F13B: variants seen among roughly 807,000 people sequenced by gnomAD.
F13B encodes the protein TGase.
Under a neutral mutation model 79.8 loss-of-function variants are expected in F13B, and 58 were observed. The observed-to-expected ratio is 0.73, with a 90% CI of 0.59 to 0.90. F13B has a LOEUF of 0.90. F13B is among the 40% of genes least tolerant of loss of function. The pLI is 0.00. For synonymous variants in F13B, 283 were observed against 260.3 expected, an observed-to-expected ratio of 1.09 and a Z score of -0.84; for missense variants, 773 against 777.0, an observed-to-expected ratio of 0.99 and a Z score of 0.06.
chr1:197,058,931 G>T (rs952197841), intron 5 of F13B, among the ~76,000 whole-genome samples: 1 of 152,088 alleles, frequency 6.6e-6, no homozygotes. Flanking sequence ...GGTATAAAAG[G>T]CCTTAAGTAG....
chr1:197,066,803 C>T (rs890110539), intron 1 of F13B, among the ~76,000 whole-genome samples: 2 of 152,040 alleles, frequency 1.3e-5, no homozygotes, highest in Middle Eastern at 3.2e-3. Flanking sequence ...CAAGTTTTGT[C>T]AGTATTAGGA....
intron 10 of F13B, among the ~76,000 whole-genome samples, chr1:197,043,028 T>C (rs1388246062): frequency 1.3e-5 from 2 of 151,744 alleles, no homozygotes; most frequent in African/African-American, 2.4e-5. Context: ...TTTAGAAGGA[T>C]AGGAAGTGTA....
intron 10 of F13B, among the ~76,000 whole-genome samples, chr1:197,042,445 C>G (rs911911920): frequency 7.2e-5 from 11 of 152,118 alleles, no homozygotes; most frequent in South Asian, 6.2e-4. Flanking sequence ...AAACAGGAAG[C>G]ATTTCGAGGT....
intron 10 of F13B, among the ~76,000 whole-genome samples, chr1:197,048,370 A>G (rs1655316481): frequency 3.9e-5 from 6 of 151,970 alleles, no homozygotes. Context: ...AAAATAAGGT[A>G]TATATTGCTT....
intron 8 of F13B, among the ~76,000 whole-genome samples, chr1:197,053,380 G>T (rs1023443310): frequency 2.0e-5 from 3 of 152,082 alleles, no homozygotes; most frequent in African/African-American, 7.2e-5. Flanking sequence ...GAATCCTGGG[G>T]TGGGTCTTTC....
At chr1:197,047,667 T>C (rs1655283208) in intron 10 of F13B, among the ~76,000 whole-genome samples, 2 of 152,230 alleles carry the variant, frequency 1.3e-5, no homozygotes, top group African/African-American at 4.8e-5. Flanking sequence ...TTATAAGTCA[T>C]TCTGCTATAA....
intron 10 of F13B, among the ~76,000 whole-genome samples, chr1:197,044,278 C>G (rs1301259062): frequency 6.6e-6 from 1 of 151,932 alleles, no homozygotes; most frequent in Non-Finnish European, 1.5e-5. Context: ...ACTGCTAGCT[C>G]AGCAGTCTGA....
chr1:197,055,853 C>T lies in F13B; in HGVS notation c.1216G>A (p.Ala406Thr), dbSNP rs1655622795. The change falls in exon 8 of 12, where the codon GCT becomes ACT. Residue 406 changes from alanine (A) to threonine (T), a missense_variant. Ala to Thr is a moderately conservative substitution (Grantham distance 58). Coordinates refer to ENST00000367412, the MANE Select transcript of F13B (RefSeq NM_001994.3). ...CKHPPVVMNG[A>T]VADGILASYA... ...CTTGCCAATATCCCGTCTGCAACAGCCCCATTCATTACAACAGGAGGATGC... is the reference window on the plus strand; with the variant it reads ...CTTGCCAATATCCCGTCTGCAACAGTCCCATTCATTACAACAGGAGGATGC... The T allele has an allele frequency of 1.2e-6, 2 of 1,613,458 alleles. No individual in the cohort carries two copies. Among genetic ancestry groups the T allele is most frequent in the Admixed American group, 1.7e-5 (1 of 59,840 alleles).
Position 197,039,290 on chromosome 1 carries a change from G to T in F13B, c.*88C>A. 8.6e-7 allele frequency: 1 copy of T among 1,156,998 alleles called. No individual in the cohort carries two copies. The highest frequency in any genetic ancestry group is 1.3e-5 in the South Asian group (1 of 74,316). 71.7% of individuals were successfully genotyped at this position (1,156,998 alleles called of 1,614,324 possible). A position where few individuals can be genotyped will look rare whatever the true frequency, so the allele number is the denominator to read the frequency against. On this transcript the variant is annotated 3_prime_UTR_variant, in exon 12 of 12. Transcript: ENST00000367412. ...AAATATTTAAGCAAGGAAAAACTCCGAAGTTTTTAACTTATTTCCTCAAAA... is the reference window on the plus strand; with the variant it reads ...AAATATTTAAGCAAGGAAAAACTCCTAAGTTTTTAACTTATTTCCTCAAAA...
chr1:197,050,842 T>C lies in F13B; in HGVS notation c.1593A>G (p.Lys531=). 6.2e-7 allele frequency: 1 copy of C among 1,613,252 alleles called. No homozygotes were observed. The highest frequency in any genetic ancestry group is 8.5e-7 in the Non-Finnish European group (1 of 1,179,532). ...KGMCTSPPLI[K]HGVIISSTVD... is the part of the protein sequence containing the mutation. The stretch of plus-strand genomic sequence containing the variant: ...CTGTTGAACTAATAATGACTCCATG[T>C]TTAATAAGAGGAGGAGATGTGCACA... The change falls in exon 10 of 12, where the codon AAA becomes AAG. Residue 531 remains lysine (K), a synonymous_variant. Transcript: ENST00000367412.
intron 8 of F13B, 116 bp from the exon 9 acceptor site, chr1:197,052,950 T>C: frequency 1.5e-6 from 1 of 660,910 alleles, no homozygotes; most frequent in Non-Finnish European, 2.5e-6. Context: ...ATTGAAATCA[T>C]AATTAAGGCT....
chr1:197,060,446 T>A lies in F13B; in HGVS notation c.725A>T (p.His242Leu). The change falls in exon 5 of 12, where the codon CAT becomes CTT. Residue 242 changes from histidine to leucine, a missense_variant. Physicochemically the swap from His to Leu is moderately conservative, Grantham distance 99. Coordinates refer to ENST00000367412, the MANE Select transcript of F13B (RefSeq NM_001994.3). ...EEGDVVQFFC[H>L]ENYYLSGSDL... ...AGATCCACTTAGATAATAATTTTCA[T>A]GACAGAAAAACTGAACGACATCTCC... The A allele has an allele frequency of 6.2e-7, 1 of 1,611,118 alleles. No individual in the cohort carries two copies. The highest frequency in any genetic ancestry group is 1.3e-5 in the African/African-American group (1 of 74,968).
chr1:197,059,500 TCCC>T (rs1655766557), intron 5 of F13B, among the ~76,000 whole-genome samples: 1 of 152,068 alleles, frequency 6.6e-6, no homozygotes, highest in Non-Finnish European at 1.5e-5. Flanking sequence ...AGACCTTATA[TCCC>T]ATATTACAGA....
chr1:197,050,623 T>C (rs1399113220), intron 10 of F13B, 74 bp downstream of exon 10: 2 of 1,329,376 alleles, frequency 1.5e-6, no homozygotes, highest in Non-Finnish European at 1.1e-6. Context: ...ATTAGTGTTA[T>C]GTTAACTCAA....
At chr1:197,055,959 T>C in intron 7 of F13B, 62 bp from the exon 8 acceptor site, 2 of 1,267,826 alleles carry the variant, frequency 1.6e-6, no homozygotes, top group South Asian at 2.5e-5. Flanking sequence ...TAGTAACTCA[T>C]ACTATAGTGT....
At position 197,060,497 on chromosome 1, in the gene F13B, T is replaced by A; in HGVS notation, c.674A>T (p.His225Leu). 6.2e-7 allele frequency: 1 copy of A among 1,604,208 alleles called. No individual in the cohort carries two copies. Among genetic ancestry groups the A allele is most frequent in the Non-Finnish European group, 8.5e-7 (1 of 1,174,742 alleles). Residue 225 changes from histidine to leucine, a missense_variant, in exon 5 of 12, where the codon CAT (histidine) becomes CTT (leucine). By Grantham distance (99) the His-to-Leu change is moderately conservative. Coordinates refer to ENST00000367412, the MANE Select transcript of F13B (RefSeq NM_001994.3). ...SLRLIENGYF[H>L]PVKQTYEEGD... ...TTCTTCATAGGTTTGCTTTACAGGATGAAAATAACCATTTTCAATTAATCT... is the reference window on the plus strand; with the variant it reads ...TTCTTCATAGGTTTGCTTTACAGGAAGAAAATAACCATTTTCAATTAATCT...
rs76889374 is a variant in F13B, at chr1:197,041,936, C to T, written c.1739-1201G>A. On this transcript the variant is annotated intron_variant, in intron 10 of 11. Coordinates refer to ENST00000367412, the MANE Select transcript of F13B (RefSeq NM_001994.3). ...CCTTTCTTTTTAAGTTAAGAATTTC[C>T]GCCCTTTCACTTAAAGGAAGCACTT... Among the ~76,000 whole-genome samples, 133 of 152,174 alleles carry T rather than the reference C, an allele frequency of 8.7e-4. 1 individual carries two copies. In the East Asian group the frequency reaches 0.02, roughly 23 times the overall value.
At chr1:197,060,279 T>A in intron 5 of F13B, 87 bp downstream of exon 5, 1 of 962,164 alleles carries the variant, frequency 1.0e-6, no homozygotes, top group Non-Finnish European at 1.6e-6. Context: ...AAAAAATAGA[T>A]ATGACCACAG....
At chr1:197,063,139 A>T (rs926244596) in intron 1 of F13B, 82 bp from the exon 2 acceptor site, 10 of 1,286,394 alleles carry the variant, frequency 7.8e-6, no homozygotes, top group Non-Finnish European at 8.9e-6. Flanking sequence ...ATACAAACTA[A>T]AAGTTTTTAG....
Sources: allele counts gnomAD v4.1 joint callset (sites outside exome capture counted in the v4.1 genomes callset), GRCh38; gene constraint gnomAD v4.1.1; transcripts MANE v1.5; gene names NCBI Gene and HGNC (gene_info 2026-07-23, HGNC 2026-07-21).